Variants in CNTN5 observed in about 807,000 individuals in gnomAD.
CNTN5 encodes the protein contactin-5.
A neutral mutation model predicts 129.1 loss-of-function variants in CNTN5; 77 were observed. The ratio of observed to expected loss-of-function variants is 0.60; its 90% CI spans 0.50 to 0.72. CNTN5 has a LOEUF of 0.72. Among genes scored for constraint, CNTN5 ranks in the 30% least tolerant of loss-of-function variants. The pLI, the probability that CNTN5 is intolerant of heterozygous loss-of-function variation, is 0.00. For missense variants in CNTN5, 1,478 were observed against 1,328.8 expected, an observed-to-expected ratio of 1.11 and a Z score of -1.75; for synonymous variants, 509 against 465.6, an observed-to-expected ratio of 1.09 and a Z score of -1.20.
chr11:99,489,438 C>A (rs887978452), intron 2 of CNTN5, among the ~76,000 whole-genome samples: 1 of 152,120 alleles, frequency 6.6e-6, no homozygotes, highest in Non-Finnish European at 1.5e-5. Flanking sequence ...TTTACAGCAC[C>A]AGGCTTACTC....
chr11:99,954,557 C>T (rs1422176832), intron 7 of CNTN5, among the ~76,000 whole-genome samples: 2 of 152,140 alleles, frequency 1.3e-5, no homozygotes, highest in Non-Finnish European at 2.9e-5. Context: ...GCTAACCATA[C>T]TATTTCCCTG....
intron 2 of CNTN5, among the ~76,000 whole-genome samples, chr11:99,463,262 C>G (rs932342159): frequency 7.3e-5 from 11 of 150,678 alleles, no homozygotes; most frequent in African/African-American, 1.5e-4. Flanking sequence ...CACGGTGAAA[C>G]CCCATCTCTA....
At chr11:99,997,634 A>T (rs1939544031) in intron 8 of CNTN5, among the ~76,000 whole-genome samples, 1 of 152,170 alleles carries the variant, frequency 6.6e-6, no homozygotes, top group African/African-American at 2.4e-5. Flanking sequence ...AAAAAGAGGG[A>T]ATCCTCCCTA....
chr11:99,336,025 C>T (rs1022187404), intron 2 of CNTN5, among the ~76,000 whole-genome samples: 1 of 151,466 alleles, frequency 6.6e-6, no homozygotes, highest in Non-Finnish European at 1.5e-5. Flanking sequence ...TCAGCCTAAC[C>T]TTATTCTTGG....
At chr11:99,338,888 TAATC>T (rs1005456801) in intron 2 of CNTN5, among the ~76,000 whole-genome samples, 2 of 147,578 alleles carry the variant, frequency 1.4e-5, no homozygotes, top group African/African-American at 5.0e-5. Flanking sequence ...TGTTGGTGCT[TAATC>T]AATTTTATGT....
intron 16 of CNTN5, among the ~76,000 whole-genome samples, chr11:100,241,114 T>C (rs1949732411): frequency 1.3e-5 from 2 of 152,220 alleles, no homozygotes; most frequent in African/African-American, 4.8e-5. Flanking sequence ...TTAGCTCATC[T>C]GTTCTTAGTG....
intron 3 of CNTN5, among the ~76,000 whole-genome samples, chr11:99,693,807 T>C (rs985824288): frequency 1.3e-5 from 2 of 152,134 alleles, no homozygotes; most frequent in Admixed American, 1.3e-4. Flanking sequence ...AAAGTTCAGC[T>C]TAACTCAACA....
intron 9 of CNTN5, among the ~76,000 whole-genome samples, chr11:100,009,944 C>T (rs764168143): frequency 7.9e-5 from 12 of 152,056 alleles, no homozygotes; most frequent in Non-Finnish European, 7.4e-5. Context: ...GGTGGCATAT[C>T]CAGGAAGTAG....
intron 8 of CNTN5, among the ~76,000 whole-genome samples, chr11:99,959,553 C>T (rs1950887922): frequency 6.6e-6 from 1 of 152,128 alleles, no homozygotes; most frequent in African/African-American, 2.4e-5. Flanking sequence ...CACTATAAGT[C>T]ATTGCTTCTT....
At chr11:99,328,509 G>GT (rs915450188) in intron 2 of CNTN5, among the ~76,000 whole-genome samples, 1 of 152,154 alleles carries the variant, frequency 6.6e-6, no homozygotes, top group African/African-American at 2.4e-5. Context: ...TACACATATA[G>GT]TTTTTTGTGT....
At chr11:99,759,406 A>G (rs547604438) in intron 3 of CNTN5, among the ~76,000 whole-genome samples, 1 of 152,172 alleles carries the variant, frequency 6.6e-6, no homozygotes, top group Admixed American at 6.6e-5. Flanking sequence ...ATTGCCATTT[A>G]TCTGCTGAAA....
At chr11:100,298,007 C>T (rs529841560) in intron 19 of CNTN5, among the ~76,000 whole-genome samples, 1 of 151,464 alleles carries the variant, frequency 6.6e-6, no homozygotes, top group Non-Finnish European at 1.5e-5. Context: ...TCTATCTCAT[C>T]ATATGCCTCC....
rs562933815 is a variant in CNTN5, at chr11:99,717,450, A to G, written c.56-102094A>G. Among the ~76,000 whole-genome samples the G allele has an allele frequency of 1.1e-4, 17 of 152,182 alleles. 1 individual carries two copies. In the South Asian group the frequency reaches 3.3e-3, roughly 30 times the overall value. On this transcript the variant is annotated intron_variant, in intron 3 of 24. Coordinates refer to ENST00000524871, the MANE Select transcript of CNTN5 (RefSeq NM_014361.4). ...GAGTGTGCACTACCAATAAAATTCT[A>G]TCAGTAATATAAAAAAAGATAAAAA...
At chr11:99,726,264 A>T (rs1314818444) in intron 3 of CNTN5, among the ~76,000 whole-genome samples, 1 of 152,196 alleles carries the variant, frequency 6.6e-6, no homozygotes, top group African/African-American at 2.4e-5. Flanking sequence ...GGGAGATCTG[A>T]TGTGTAGTCT....
chr11:99,943,488 G>A (rs1296422639), intron 7 of CNTN5, among the ~76,000 whole-genome samples: 2 of 151,938 alleles, frequency 1.3e-5, no homozygotes, highest in African/African-American at 2.4e-5. Flanking sequence ...TATGTTGCTT[G>A]TTCACTGTGA....
chr11:99,283,400 G>A (rs1458288882), intron 1 of CNTN5, among the ~76,000 whole-genome samples: 1 of 151,510 alleles, frequency 6.6e-6, no homozygotes, highest in East Asian at 1.9e-4. Flanking sequence ...ATGCACATGT[G>A]CACACACACA....
chr11:99,271,261 T>G (rs183079305), intron 1 of CNTN5, among the ~76,000 whole-genome samples: 25 of 152,006 alleles, frequency 1.6e-4, no homozygotes, highest in African/African-American at 5.8e-4. Flanking sequence ...TGCATTTTTT[T>G]ATTTAACTAC....
At chr11:100,142,722 C>G (rs1294541940) in intron 13 of CNTN5, among the ~76,000 whole-genome samples, 1 of 152,012 alleles carries the variant, frequency 6.6e-6, no homozygotes, top group Non-Finnish European at 1.5e-5. Flanking sequence ...CTTGGTTACC[C>G]TGAACACATT....
At chr11:99,612,328 G>A (rs531906896) in intron 3 of CNTN5, among the ~76,000 whole-genome samples, 2 of 152,154 alleles carry the variant, frequency 1.3e-5, no homozygotes, top group African/African-American at 2.4e-5. Flanking sequence ...GCACCTGCTT[G>A]AAAGGCTGTC....
Sources: allele counts gnomAD v4.1 joint callset (sites outside exome capture counted in the v4.1 genomes callset), GRCh38; gene constraint gnomAD v4.1.1; transcripts MANE v1.5; gene names NCBI Gene and HGNC (gene_info 2026-07-23, HGNC 2026-07-21).